The following ABTB2 variants were observed in gnomAD, a reference collection of about 807,000 sequenced individuals.
ABTB2 encodes the protein ankyrin repeat and BTB domain containing 2, also known as ankyrin repeat and BTB/POZ domain-containing protein 2.
A neutral mutation model predicts 104.1 loss-of-function variants in ABTB2; 56 were observed. The observed-to-expected ratio is 0.54, with a 90% CI of 0.43 to 0.67. The LOEUF (loss-of-function observed/expected upper bound fraction) is 0.67. Ranked by LOEUF, ABTB2 falls within the 30% of genes least tolerant of loss-of-function variation. The pLI is 0.00. For missense variants in ABTB2, 1,279 were observed against 1,407.7 expected (o/e 0.91, Z 1.46); for synonymous variants, 606 against 608.2 (o/e 1.00, Z 0.05).
intron 1 of ABTB2, among the ~76,000 whole-genome samples, chr11:34,207,799 C>T (rs1268351592): frequency 1.3e-5 from 2 of 152,230 alleles, no homozygotes; most frequent in Non-Finnish European, 2.9e-5. Context: ...CTTTGCCCAC[C>T]TTGTCCTTTC....
intron 1 of ABTB2, among the ~76,000 whole-genome samples, chr11:34,236,116 G>A (rs750475884): frequency 6.6e-6 from 1 of 152,194 alleles, no homozygotes; most frequent in Admixed American, 6.5e-5. Context: ...TGGGAAGTCC[G>A]TGGATATTCT....
chr11:34,181,370 C>G (rs1390961916), intron 3 of ABTB2, among the ~76,000 whole-genome samples: 1 of 152,204 alleles, frequency 6.6e-6, no homozygotes, highest in African/African-American at 2.4e-5. Flanking sequence ...GTTTCCAGCT[C>G]AAAGCAGGCT....
intron 1 of ABTB2, among the ~76,000 whole-genome samples, chr11:34,347,131 T>C (rs907722284): frequency 2.0e-5 from 3 of 152,172 alleles, no homozygotes; most frequent in Non-Finnish European, 2.9e-5. Flanking sequence ...TCTCCTCAGC[T>C]TACTTTTAGA....
intron 1 of ABTB2, among the ~76,000 whole-genome samples, chr11:34,333,727 G>A (rs1225946497): frequency 6.6e-6 from 1 of 152,158 alleles, no homozygotes; most frequent in Non-Finnish European, 1.5e-5. Flanking sequence ...CTGCACTCCA[G>A]CCTGGATGAC....
At chr11:34,289,354 A>G (rs1384022099) in intron 1 of ABTB2, among the ~76,000 whole-genome samples, 1 of 152,224 alleles carries the variant, frequency 6.6e-6, no homozygotes, top group Non-Finnish European at 1.5e-5. Flanking sequence ...GAAAGTCTCT[A>G]AGTCCCAACA....
At chr11:34,174,467 C>T (rs1263367053) in intron 3 of ABTB2, among the ~76,000 whole-genome samples, 1 of 152,222 alleles carries the variant, frequency 6.6e-6, no homozygotes, top group Non-Finnish European at 1.5e-5. Flanking sequence ...GAGCTGCAAA[C>T]TCCCGGGGCG....
At chr11:34,219,288 C>T (rs1853586986) in intron 1 of ABTB2, among the ~76,000 whole-genome samples, 1 of 152,000 alleles carries the variant, frequency 6.6e-6, no homozygotes, top group African/African-American at 2.4e-5. Flanking sequence ...CATGGTGGCT[C>T]ACACCTATAA....
intron 3 of ABTB2, among the ~76,000 whole-genome samples, chr11:34,196,931 G>T (rs546655720): frequency 3.3e-5 from 5 of 152,198 alleles, no homozygotes; most frequent in Non-Finnish European, 7.3e-5. Flanking sequence ...GCTACCACTG[G>T]CCAAGGGCCA....
At chr11:34,209,273 G>C (rs974033627) in intron 1 of ABTB2, among the ~76,000 whole-genome samples, 2 of 151,862 alleles carry the variant, frequency 1.3e-5, no homozygotes, top group African/African-American at 4.8e-5. Context: ...ACTTGAACCT[G>C]GTGGAGGTTG....
chr11:34,261,350 A>G (rs566733246), intron 1 of ABTB2, among the ~76,000 whole-genome samples: 2 of 152,364 alleles, frequency 1.3e-5, no homozygotes, highest in East Asian at 3.9e-4. Flanking sequence ...ATATGGACAC[A>G]TCCTTGCTTG....
chr11:34,280,924 G>A (rs557214451), intron 1 of ABTB2, among the ~76,000 whole-genome samples: 11 of 152,208 alleles, frequency 7.2e-5, no homozygotes, highest in South Asian at 4.2e-4. Flanking sequence ...ATAACTACCC[G>A]CAATATAATG....
chr11:34,185,649 A>C (rs1405089087), intron 3 of ABTB2, among the ~76,000 whole-genome samples: 2 of 152,218 alleles, frequency 1.3e-5, no homozygotes, highest in African/African-American at 2.4e-5. Context: ...TCTAAAAAAC[A>C]ACCATTCTGA....
intron 3 of ABTB2, among the ~76,000 whole-genome samples, chr11:34,176,533 T>C (rs2133020662): frequency 6.6e-6 from 1 of 152,278 alleles, no homozygotes; most frequent in East Asian, 1.9e-4. Context: ...TCCCAGCTAC[T>C]TGGGAGGCTG....
chr11:34,219,318 C>G (rs1316920990), intron 1 of ABTB2, among the ~76,000 whole-genome samples: 1 of 151,840 alleles, frequency 6.6e-6, no homozygotes, highest in Non-Finnish European at 1.5e-5. Flanking sequence ...TTTGGGAGAC[C>G]AAGCCAGGAG....
At chr11:34,324,769 G>A (rs1855048093) in intron 1 of ABTB2, among the ~76,000 whole-genome samples, 2 of 152,188 alleles carry the variant, frequency 1.3e-5, no homozygotes, top group Admixed American at 6.5e-5. Flanking sequence ...TTCCAGCTCT[G>A]CTACTTTTTA....
chr11:34,199,680 G>A (rs1293323881), intron 2 of ABTB2, among the ~76,000 whole-genome samples: 1 of 152,120 alleles, frequency 6.6e-6, no homozygotes, highest in African/African-American at 2.4e-5. Context: ...CCCACCCCTG[G>A]CGATTCCTTA....
chr11:34,270,495 A>G (rs1854301559), intron 1 of ABTB2, among the ~76,000 whole-genome samples: 2 of 151,920 alleles, frequency 1.3e-5, no homozygotes, highest in Non-Finnish European at 2.9e-5. Context: ...ACCTACCACC[A>G]CACCTAGCCA....
chr11:34,196,800 T>C (rs953541333), intron 3 of ABTB2, among the ~76,000 whole-genome samples: 1 of 152,222 alleles, frequency 6.6e-6, no homozygotes, highest in Non-Finnish European at 1.5e-5. Flanking sequence ...AGGGCCAGGA[T>C]AGTCTCCTGT....
chr11:34,154,242 C>A lies in ABTB2; in HGVS notation c.2880+23G>T. The A allele has an allele frequency of 6.3e-7, 1 of 1,587,386 alleles. No individual in the cohort carries two copies. Among genetic ancestry groups the A allele is most frequent in the South Asian group, 1.1e-5 (1 of 90,174 alleles). ...AGCAGAGCATGTGGTGGGAGGTGGC[C>A]AGCAGGCATCCTTGGCCCTCACCTT... is the stretch of plus-strand genomic sequence containing the variant. On this transcript the variant is annotated intron_variant, in intron 16 of 16. Coordinates refer to ENST00000435224, the MANE Select transcript of ABTB2 (RefSeq NM_145804.3). This position sits in a 1 kb window ranked among gnomAD's most constrained non-coding sequence, Gnocchi z 4.9.
Sources: allele counts gnomAD v4.1 joint callset (sites outside exome capture counted in the v4.1 genomes callset), GRCh38; gene constraint gnomAD v4.1.1; non-coding constraint Gnocchi (gnomAD v3.1); transcripts MANE v1.5; gene names NCBI Gene and HGNC (gene_info 2026-07-23, HGNC 2026-07-21).